The following DRD2 variants were observed in gnomAD, a reference collection of about 807,000 sequenced individuals.
DRD2 encodes the protein dopamine receptor D2, also known as D(2) dopamine receptor.
A neutral mutation model predicts 38.0 loss-of-function variants in DRD2; 8 were observed. That is an observed-to-expected ratio of 0.21 (90% CI 0.12 to 0.38). The LOEUF (loss-of-function observed/expected upper bound fraction) is 0.38. DRD2 is among the 10% of genes least tolerant of loss of function. DRD2 has a pLI of 1.00. For missense variants in DRD2, 403 were observed against 607.7 expected, an observed-to-expected ratio of 0.66 and a Z score of 3.54; for synonymous variants, 230 against 238.6, an observed-to-expected ratio of 0.96 and a Z score of 0.33.
chr11:113,467,909 T>A (rs765809638), intron 1 of DRD2, among the ~76,000 whole-genome samples: 1 of 152,142 alleles, frequency 6.6e-6, no homozygotes, highest in African/African-American at 2.4e-5. Context: ...AAGTGGAGAG[T>A]GTAAGAAAGA....
intron 1 of DRD2, among the ~76,000 whole-genome samples, chr11:113,453,280 T>C (rs1244541276): frequency 6.6e-6 from 1 of 152,182 alleles, no homozygotes; most frequent in East Asian, 1.9e-4. Context: ...TTTATTCATC[T>C]AGGAAGTGGG....
At chr11:113,455,418 A>C (rs1951260221) in intron 1 of DRD2, among the ~76,000 whole-genome samples, 1 of 152,126 alleles carries the variant, frequency 6.6e-6, no homozygotes, top group Non-Finnish European at 1.5e-5. Flanking sequence ...TTTGCATATG[A>C]CCCCAAAATC....
intron 1 of DRD2, among the ~76,000 whole-genome samples, chr11:113,466,602 A>C (rs1299779150): frequency 2.0e-5 from 3 of 152,166 alleles, no homozygotes; most frequent in Non-Finnish European, 4.4e-5. Flanking sequence ...GAAGGCATGA[A>C]GTATGTTGCT....
intron 6 of DRD2, chr11:113,414,154 C>G: frequency 1.6e-6 from 1 of 616,236 alleles, no homozygotes; most frequent in South Asian, 1.8e-5. Flanking sequence ...GTTGGTATGG[C>G]CAACCATTTT....
intron 6 of DRD2, among the ~76,000 whole-genome samples, chr11:113,413,610 C>A (rs1240313231): frequency 6.6e-6 from 1 of 152,228 alleles, no homozygotes; most frequent in African/African-American, 2.4e-5. Flanking sequence ...TGTTTTGGCA[C>A]CTGCCTCATA....
At position 113,410,495 on chromosome 11, in the gene DRD2, T is replaced by A. The variant is rs200698836; in HGVS notation, c.*232A>T. ...GGGACTCTATGAGCTGCCCCTGAGCTGGGGGGCCCAGCCCCAGGGCTGGTA... is the reference window on the plus strand; with the variant it reads ...GGGACTCTATGAGCTGCCCCTGAGCAGGGGGGCCCAGCCCCAGGGCTGGTA... On this transcript the variant is annotated 3_prime_UTR_variant, in exon 8 of 8. Transcript: ENST00000362072. 49 of 606,418 alleles carry A rather than the reference T, an allele frequency of 8.1e-5. No homozygotes were observed. The highest frequency in any genetic ancestry group is 7.4e-4 in the African/African-American group (40 of 54,388). 37.6% of individuals were successfully genotyped at this position (606,418 alleles called of 1,614,324 possible). A position where few individuals can be genotyped will look rare whatever the true frequency, so the allele number is the denominator to read the frequency against.
At chr11:113,432,529 T>C (rs1315124610) in intron 1 of DRD2, among the ~76,000 whole-genome samples, 1 of 152,216 alleles carries the variant, frequency 6.6e-6, no homozygotes, top group Non-Finnish European at 1.5e-5. Context: ...AACAATTCCT[T>C]ATCAGGCTTG....
chr11:113,458,217 C>T (rs951127757), intron 1 of DRD2, among the ~76,000 whole-genome samples: 1 of 152,238 alleles, frequency 6.6e-6, no homozygotes, highest in Non-Finnish European at 1.5e-5. Flanking sequence ...CTGTAACACA[C>T]AGTGTATGGG....
At chr11:113,434,389 C>T (rs1951017115) in intron 1 of DRD2, among the ~76,000 whole-genome samples, 1 of 152,138 alleles carries the variant, frequency 6.6e-6, no homozygotes, top group Non-Finnish European at 1.5e-5. Context: ...CTTTTCCTAC[C>T]CTGCAGTCAT....
At chr11:113,411,020 G>A in intron 7 of DRD2, 100 bp from the exon 8 acceptor site, 1 of 1,319,780 alleles carries the variant, frequency 7.6e-7, no homozygotes, top group Non-Finnish European at 1.0e-6. Flanking sequence ...CAAGACGGTG[G>A]GCTGTAGCCA....
rs367974624 is a variant in DRD2 at position 113,413,349 on chromosome 11, A to G, written c.811-466T>C. The G allele has an allele frequency of 5.7e-6, 3 of 525,910 alleles. No homozygotes were observed. In the African/African-American group the frequency reaches 5.7e-5, roughly 10 times the overall value. The allele number at this position is 525,910 out of a possible 1,614,324, so 32.6% of individuals were successfully genotyped here. ...TTCATGGGTACCTGCACCTGCGTACACACGTGGGCTCCATATTCTCCTGGA... is the reference window on the plus strand; with the variant it reads ...TTCATGGGTACCTGCACCTGCGTACGCACGTGGGCTCCATATTCTCCTGGA... On this transcript the variant is annotated intron_variant, in intron 6 of 7. Coordinates refer to ENST00000362072, the MANE Select transcript of DRD2 (RefSeq NM_000795.4).
chr11:113,421,481 T>C (rs979981387), intron 2 of DRD2, among the ~76,000 whole-genome samples: 1 of 152,138 alleles, frequency 6.6e-6, no homozygotes, highest in African/African-American at 2.4e-5. Flanking sequence ...AGCCGCTCCT[T>C]AAAGGGTTGT....
intron 4 of DRD2, among the ~76,000 whole-genome samples, chr11:113,415,864 T>C (rs1565660752): frequency 6.6e-6 from 1 of 152,264 alleles, no homozygotes; most frequent in Non-Finnish European, 1.5e-5. Context: ...TCCATTACTA[T>C]TCCCTCATTA....
At chr11:113,415,733 T>A in intron 4 of DRD2, 122 bp from the exon 5 acceptor site, 1 of 1,110,260 alleles carries the variant, frequency 9.0e-7, no homozygotes, top group Non-Finnish European at 1.3e-6. Context: ...TGAACGCAAC[T>A]AGATGTTTAA....
At chr11:113,455,176 G>A (rs1423999721) in intron 1 of DRD2, among the ~76,000 whole-genome samples, 1 of 151,862 alleles carries the variant, frequency 6.6e-6, no homozygotes, top group African/African-American at 2.4e-5. Flanking sequence ...GTGAGACCCC[G>A]TCTCTACTAA....
At chr11:113,448,660 A>G (rs906222263) in intron 1 of DRD2, among the ~76,000 whole-genome samples, 17 of 152,222 alleles carry the variant, frequency 1.1e-4, no homozygotes, top group Non-Finnish European at 2.4e-4. Context: ...GCACGGGTAC[A>G]GCAGTCTATT....
chr11:113,473,264 G>A (rs1276241358), intron 1 of DRD2, among the ~76,000 whole-genome samples: 3 of 152,066 alleles, frequency 2.0e-5, no homozygotes, highest in Non-Finnish European at 4.4e-5. Context: ...ACTCTCTAAG[G>A]AGTCTCAACT....
At chr11:113,474,910 G>C (rs556831394) in intron 1 of DRD2, among the ~76,000 whole-genome samples, 166 bp downstream of exon 1, 35 of 152,236 alleles carry the variant, frequency 2.3e-4, no homozygotes, top group African/African-American at 7.7e-4. Context: ...CTCTGCCCCC[G>C]CCCGACGGGG....
At chr11:113,412,228 T>C (rs1950775945) in intron 7 of DRD2, 1 of 412,256 alleles carries the variant, frequency 2.4e-6, no homozygotes, top group African/African-American at 2.0e-5. Flanking sequence ...AGAGAGAAAG[T>C]GACTTTCCTG....
Sources: gnomAD v4.1 joint callset for allele counts (sites outside exome capture counted in the v4.1 genomes callset) on GRCh38, gnomAD v4.1.1 for gene constraint, MANE v1.5 for transcripts, NCBI Gene and HGNC (gene_info 2026-07-23, HGNC 2026-07-21) for gene names.